The following DNM3 variants were observed in gnomAD, a reference collection of about 807,000 sequenced individuals.
DNM3 encodes the protein dynamin-3.
Under a neutral mutation model 101.6 loss-of-function variants are expected in DNM3, and 47 were observed. The ratio of observed to expected loss-of-function variants is 0.46; its 90% CI spans 0.37 to 0.59. The LOEUF is 0.59. Among genes scored for constraint, DNM3 ranks in the 20% least tolerant of loss-of-function variants. DNM3 has a pLI of 0.00. For synonymous variants in DNM3, 385 were observed against 387.9 expected, an observed-to-expected ratio of 0.99 and a Z score of 0.09; for missense variants, 849 against 1,085.7, an observed-to-expected ratio of 0.78 and a Z score of 3.06.
intron 15 of DNM3, among the ~76,000 whole-genome samples, chr1:172,258,537 C>G (rs1161294360): frequency 1.3e-5 from 2 of 151,974 alleles, no homozygotes; most frequent in African/African-American, 4.8e-5. Flanking sequence ...TCTAGGTTTT[C>G]TAGTTTGTTA....
chr1:172,009,069 ATT>A (rs2046924814), intron 4 of DNM3, among the ~76,000 whole-genome samples: 1 of 138,458 alleles, frequency 7.2e-6, no homozygotes, highest in African/African-American at 2.7e-5. Context: ...TATTATATGT[ATT>A]TATATATTAT....
At chr1:172,090,316 C>G (rs1037116343) in intron 12 of DNM3, among the ~76,000 whole-genome samples, 10 of 152,232 alleles carry the variant, frequency 6.6e-5, no homozygotes, top group African/African-American at 2.4e-4. Flanking sequence ...GGAAAAGTGA[C>G]ATTTAATGTG....
intron 2 of DNM3, among the ~76,000 whole-genome samples, chr1:171,986,577 A>G (rs2045271483): frequency 6.6e-6 from 1 of 151,422 alleles, no homozygotes; most frequent in African/African-American, 2.4e-5. Flanking sequence ...AAGAGTGAAT[A>G]TTAAATGTTT....
At chr1:172,048,001 A>G (rs551214039) in intron 9 of DNM3, among the ~76,000 whole-genome samples, 1 of 152,306 alleles carries the variant, frequency 6.6e-6, no homozygotes, top group Admixed American at 6.5e-5. Flanking sequence ...GCACATGTAT[A>G]TATCTGCTTT....
intron 2 of DNM3, among the ~76,000 whole-genome samples, chr1:171,953,670 C>A (rs2042675578): frequency 6.6e-6 from 1 of 151,958 alleles, no homozygotes; most frequent in South Asian, 2.1e-4. Context: ...CTCAGGTGAT[C>A]TACCCGCCTC....
intron 1 of DNM3, among the ~76,000 whole-genome samples, chr1:171,899,051 C>T (rs1247960356): frequency 6.6e-6 from 1 of 152,198 alleles, no homozygotes; most frequent in Non-Finnish European, 1.5e-5. Flanking sequence ...TTAGCCCCTC[C>T]GGACGCTTGC....
intron 20 of DNM3, among the ~76,000 whole-genome samples, chr1:172,405,314 G>A (rs969461376): frequency 2.0e-5 from 3 of 151,892 alleles, no homozygotes; most frequent in Non-Finnish European, 4.4e-5. Context: ...TCTATTTGGG[G>A]GACACTGGTA....
At chr1:172,049,913 G>C (rs75359952) in intron 10 of DNM3, among the ~76,000 whole-genome samples, 2,415 of 152,190 alleles carry the variant, frequency 0.016, 73 homozygotes, top group African/African-American at 0.054. Flanking sequence ...TCCTAGATGT[G>C]AAGGCTAAAA....
At chr1:172,052,982 CT>C (rs899016894) in intron 10 of DNM3, among the ~76,000 whole-genome samples, 5 of 152,178 alleles carry the variant, frequency 3.3e-5, no homozygotes, top group African/African-American at 1.2e-4. Context: ...CAGTGGCCCC[CT>C]AACTGATCTA....
chr1:172,303,699 G>T (rs2064598433), intron 15 of DNM3, among the ~76,000 whole-genome samples: 1 of 152,202 alleles, frequency 6.6e-6, no homozygotes, highest in Non-Finnish European at 1.5e-5. Context: ...AACCCTACAA[G>T]CCAGAAGAGA....
rs199736416 is a variant in DNM3, at chr1:172,111,807, CT to C, written c.1545+18943del. Among the ~76,000 whole-genome samples the C allele has an allele frequency of 2.5e-3, 373 of 146,824 alleles. 1 individual carries two copies. The highest frequency in any genetic ancestry group is 0.011 in the South Asian group (50 of 4,626). On this transcript the variant is annotated intron_variant, in intron 13 of 20. Coordinates refer to ENST00000627582, the MANE Select transcript of DNM3 (RefSeq NM_015569.5). ...TTAAAATAGTATAATAGATGGACTCCTTTTTTTTTTTAATCTTAGAATGTTA... is the reference window on the plus strand; with the variant it reads ...TTAAAATAGTATAATAGATGGACTCCTTTTTTTTTTAATCTTAGAATGTTA...
At chr1:171,979,813 G>C (rs754305999) in intron 2 of DNM3, among the ~76,000 whole-genome samples, 1 of 152,188 alleles carries the variant, frequency 6.6e-6, no homozygotes, top group Non-Finnish European at 1.5e-5. Context: ...TCTTGACCCT[G>C]AATACTGTTC....
At chr1:171,953,420 CTTT>C (rs749644835) in intron 2 of DNM3, among the ~76,000 whole-genome samples, 7 of 128,958 alleles carry the variant, frequency 5.4e-5, no homozygotes, top group African/African-American at 5.6e-5. Context: ...ATGCGCAATT[CTTT>C]TTTTTTTTTT....
chr1:172,130,548 T>C lies in DNM3; in HGVS notation c.1546-627T>C, dbSNP rs372315009. 2.4e-4 allele frequency among the ~76,000 whole-genome samples: 37 copies of C among 152,334 alleles called. 1 individual carries two copies. In the South Asian group the frequency reaches 7.2e-3, roughly 30 times the overall value. On this transcript the variant is annotated intron_variant, in intron 13 of 20. Transcript: ENST00000627582. ...AATATGGTAGAGAACAACCAGAAGA[T>C]TTAAACTTCATAGGTTTAAAATTTT...
intron 14 of DNM3, among the ~76,000 whole-genome samples, chr1:172,247,982 C>A (rs1351239650): frequency 6.6e-6 from 1 of 152,110 alleles, no homozygotes; most frequent in East Asian, 1.9e-4. Context: ...CCATACCTGG[C>A]CTTTATTCTT....
At chr1:172,346,744 A>C (rs760483064) in intron 17 of DNM3, among the ~76,000 whole-genome samples, 23 of 152,248 alleles carry the variant, frequency 1.5e-4, no homozygotes, top group Non-Finnish European at 3.1e-4. Flanking sequence ...TAGAAGCCAG[A>C]AAATGACACG....
rs117353687 is a variant in DNM3, at chr1:172,132,538, A to G, written c.1659+1250A>G. The stretch of plus-strand genomic sequence containing the variant: ...AGTTTTAACATAGTTTGAGGAGCTC[A>G]GAGACACTTCCCTAGATGTAAAAAT... On this transcript the variant is annotated intron_variant, in intron 14 of 20. Coordinates refer to ENST00000627582, the MANE Select transcript of DNM3 (RefSeq NM_015569.5). Among the ~76,000 whole-genome samples, 441 of 152,304 alleles carry G rather than the reference A, an allele frequency of 2.9e-3. 6 individuals carry two copies. The East Asian group carries it at 0.035, about 12-fold the overall frequency.
intron 2 of DNM3, among the ~76,000 whole-genome samples, chr1:171,943,305 C>G (rs1030271576): frequency 2.6e-5 from 4 of 151,996 alleles, no homozygotes; most frequent in African/African-American, 9.7e-5. Context: ...CTCTTCTTGG[C>G]CAAGGGCATT....
At chr1:172,140,914 T>G (rs2057543006) in intron 14 of DNM3, among the ~76,000 whole-genome samples, 1 of 152,022 alleles carries the variant, frequency 6.6e-6, no homozygotes, top group Non-Finnish European at 1.5e-5. Flanking sequence ...ATCTCCCAAA[T>G]TATAGGTTGA....
Sources: gnomAD v4.1 joint callset for allele counts (sites outside exome capture counted in the v4.1 genomes callset) on GRCh38, gnomAD v4.1.1 for gene constraint, MANE v1.5 for transcripts, NCBI Gene and HGNC (gene_info 2026-07-23, HGNC 2026-07-21) for gene names.